COMMD10: variants seen among roughly 807,000 people sequenced by gnomAD.
COMMD10 encodes the protein COMM domain containing 10.
Under a neutral mutation model 28.9 loss-of-function variants are expected in COMMD10, and 33 were observed. The ratio of observed to expected loss-of-function variants is 1.14; its 90% CI spans 0.87 to 1.53. The LOEUF is 1.53. Among genes scored for constraint, COMMD10 ranks in the 40% most tolerant of loss-of-function variants. COMMD10 has a pLI of 0.00. For missense variants in COMMD10, 310 were observed against 233.4 expected, an observed-to-expected ratio of 1.33 and a Z score of -2.14; for synonymous variants, 110 against 81.7, an observed-to-expected ratio of 1.35 and a Z score of -1.87.
At chr5:116,278,147 A>G (rs1225912766) in intron 5 of COMMD10, among the ~76,000 whole-genome samples, 4 of 151,834 alleles carry the variant, frequency 2.6e-5, no homozygotes, top group African/African-American at 9.7e-5. Flanking sequence ...TCCTTAGAAT[A>G]AATTATAAAT....
At chr5:116,179,280 C>A (rs554283656) in intron 5 of COMMD10, among the ~76,000 whole-genome samples, 260 of 152,186 alleles carry the variant, frequency 1.7e-3, no homozygotes, top group African/African-American at 5.9e-3. Flanking sequence ...AATTTTAAAA[C>A]AGATTTTAGG....
intron 5 of COMMD10, among the ~76,000 whole-genome samples, chr5:116,251,269 TA>T (rs1554055468): frequency 2.1e-4 from 5 of 24,134 alleles, no homozygotes; most frequent in Non-Finnish European, 1.3e-3. Flanking sequence ...CTTTTCTTTT[TA>T]TTTATTTATT....
At chr5:116,251,460 A>G (rs184348291) in intron 5 of COMMD10, among the ~76,000 whole-genome samples, 1 of 114,568 alleles carries the variant, frequency 8.7e-6, no homozygotes, top group Non-Finnish European at 1.8e-5. Flanking sequence ...ACCACACAAC[A>G]GTCCCCAGAG....
chr5:116,254,457 A>G (rs901301666), intron 5 of COMMD10, among the ~76,000 whole-genome samples: 2 of 150,696 alleles, frequency 1.3e-5, no homozygotes, highest in Non-Finnish European at 2.9e-5. Flanking sequence ...TTCCCTCTAC[A>G]CACTGCTTTG....
intron 5 of COMMD10, among the ~76,000 whole-genome samples, chr5:116,181,152 A>G (rs950180378): frequency 1.3e-5 from 2 of 152,076 alleles, no homozygotes; most frequent in African/African-American, 4.8e-5. Flanking sequence ...TCCAAAAATT[A>G]TAAAATAAAA....
At chr5:116,245,338 T>C (rs901048001) in intron 5 of COMMD10, among the ~76,000 whole-genome samples, 2 of 151,984 alleles carry the variant, frequency 1.3e-5, no homozygotes, top group Non-Finnish European at 2.9e-5. Flanking sequence ...AGCTTGGAAA[T>C]TGAGACAGTA....
intron 4 of COMMD10, among the ~76,000 whole-genome samples, chr5:116,130,422 A>G (rs1239053723): frequency 3.9e-5 from 6 of 151,910 alleles, no homozygotes. Context: ...CTGAGAATAC[A>G]GTTTGTTAAT....
chr5:116,126,309 TG>T (rs1397324320), intron 4 of COMMD10, among the ~76,000 whole-genome samples: 1 of 152,188 alleles, frequency 6.6e-6, no homozygotes, highest in African/African-American at 2.4e-5. Context: ...TCCATGCTCA[TG>T]AATAGGAAGA....
Position 116,274,989 on chromosome 5 carries a change from A to G in COMMD10, c.511-16528A>G, listed in dbSNP as rs1750863304. ...GCTGGTATTTTCTACATGCTTATCC[A>G]AAGATACTTGGAAATACCTGTCTTA... is the stretch of plus-strand genomic sequence containing the variant. On this transcript the variant is annotated intron_variant, in intron 5 of 6. Coordinates refer to ENST00000274458, the MANE Select transcript of COMMD10 (RefSeq NM_016144.4). Among the ~76,000 whole-genome samples, 2 of 151,768 alleles carry G rather than the reference A, an allele frequency of 1.3e-5. 1 individual carries two copies. The highest frequency in any genetic ancestry group is 1.3e-4 in the Admixed American group (2 of 15,194).
intron 4 of COMMD10, among the ~76,000 whole-genome samples, chr5:116,122,829 T>C (rs1323696744): frequency 6.6e-6 from 1 of 152,256 alleles, no homozygotes; most frequent in Non-Finnish European, 1.5e-5. Flanking sequence ...ATTGATTTTG[T>C]ATCCTGAGAC....
intron 5 of COMMD10, among the ~76,000 whole-genome samples, chr5:116,168,851 G>A (rs534227445): frequency 1.3e-5 from 2 of 152,276 alleles, no homozygotes; most frequent in South Asian, 4.1e-4. Context: ...GAAATTTATA[G>A]CACTAACTGC....
At chr5:116,119,248 G>A (rs185177118) in intron 4 of COMMD10, among the ~76,000 whole-genome samples, 1 of 152,342 alleles carries the variant, frequency 6.6e-6, no homozygotes, top group African/African-American at 2.4e-5. Context: ...CACCCTAACA[G>A]TGAGACTAGG....
intron 5 of COMMD10, among the ~76,000 whole-genome samples, chr5:116,291,280 T>C (rs1751353020): frequency 6.6e-6 from 1 of 152,212 alleles, no homozygotes; most frequent in South Asian, 2.1e-4. Context: ...TATGTTTTAT[T>C]AACCTTCGTA....
chr5:116,268,132 C>G (rs891610781), intron 5 of COMMD10, among the ~76,000 whole-genome samples: 2 of 151,794 alleles, frequency 1.3e-5, no homozygotes, highest in Non-Finnish European at 2.9e-5. Context: ...TTCTGCACAG[C>G]AAAAGAAACT....
intron 3 of COMMD10, 42 bp downstream of exon 3, chr5:116,091,231 C>G (rs1269437902): frequency 2.8e-6 from 3 of 1,082,234 alleles, no homozygotes; most frequent in Non-Finnish European, 2.8e-6. Flanking sequence ...GATTTGTTTA[C>G]TACATATTTG....
At chr5:116,251,712 G>C (rs1580583984) in intron 5 of COMMD10, among the ~76,000 whole-genome samples, 1 of 150,986 alleles carries the variant, frequency 6.6e-6, no homozygotes, top group African/African-American at 2.4e-5. Flanking sequence ...ATTTGGGTTG[G>C]TTCCAAGTCT....
rs186428482 is a variant in COMMD10 at position 116,288,338 on chromosome 5, A to G, written c.511-3179A>G. Among the ~76,000 whole-genome samples, 261 of 151,894 alleles carry G rather than the reference A, an allele frequency of 1.7e-3. 5 individuals are homozygous for G. The highest frequency in any genetic ancestry group is 6.0e-3 in the African/African-American group (246 of 41,286). ...GATAATATTATGGAAGCTCCCTCAT[A>G]TGTGATAAATCACTTTTCTCTTGCT... On this transcript the variant is annotated intron_variant, in intron 5 of 6. Transcript: ENST00000274458.
chr5:116,272,162 T>C (rs1187768554), intron 5 of COMMD10, among the ~76,000 whole-genome samples: 2 of 151,884 alleles, frequency 1.3e-5, no homozygotes, highest in African/African-American at 4.9e-5. Flanking sequence ...ATTTAGTCCA[T>C]CCCTCATTTC....
rs1455542744 is a variant in COMMD10 at position 116,292,432 on chromosome 5, TTTTTG to T, written c.571-17_571-13del. 3.3e-6 allele frequency: 5 copies of T among 1,495,292 alleles called. No homozygotes were observed. The highest frequency in any genetic ancestry group is 4.5e-6 in the Non-Finnish European group (5 of 1,122,652). The allele number at this position is 1,495,292 out of a possible 1,614,324, so 92.6% of individuals were successfully genotyped here. A position where few individuals can be genotyped will look rare whatever the true frequency, so the allele number is the denominator to read the frequency against. Reference sequence around the variant, plus strand: ...TTCCCTTCACTAACGTCTTTTTTTTTTTTTGTCTTTGTAAATAGCTAGAGACTATA... The same window carrying T: ...TTCCCTTCACTAACGTCTTTTTTTTTTCTTTGTAAATAGCTAGAGACTATA... On this transcript the variant is annotated splice_polypyrimidine_tract_variant and intron_variant, in intron 6 of 6. Transcript: ENST00000274458.
Sources: gnomAD v4.1 joint callset for allele counts (sites outside exome capture counted in the v4.1 genomes callset) on GRCh38, gnomAD v4.1.1 for gene constraint, MANE v1.5 for transcripts, NCBI Gene and HGNC (gene_info 2026-07-23, HGNC 2026-07-21) for gene names.